The following ZNF536 variants were observed in gnomAD, a reference collection of about 807,000 sequenced individuals.
ZNF536 encodes zinc finger protein 536.
A neutral mutation model predicts 84.5 loss-of-function variants in ZNF536; 13 were observed. The observed-to-expected ratio is 0.15, with a 90% CI of 0.10 to 0.24. ZNF536 has a LOEUF of 0.24. ZNF536 is among the 10% of genes least tolerant of loss of function. The pLI is 1.00. For synonymous variants in ZNF536, 811 were observed against 742.5 expected (o/e 1.09, Z -1.50); for missense variants, 1,536 against 1,747.5 (o/e 0.88, Z 2.16).
intron 2 of ZNF536, among the ~76,000 whole-genome samples, chr19:30,518,206 G>A (rs531064351): frequency 6.6e-6 from 1 of 152,298 alleles, no homozygotes; most frequent in South Asian, 2.1e-4. Flanking sequence ...TGTTGCAGGC[G>A]AAGGGGCAGC....
At chr19:30,531,454 T>G (rs1341976424) in intron 2 of ZNF536, among the ~76,000 whole-genome samples, 1 of 152,076 alleles carries the variant, frequency 6.6e-6, no homozygotes, top group Non-Finnish European at 1.5e-5. Flanking sequence ...GATTTTTTTT[T>G]TTTTGAAGAT....
At chr19:30,513,891 G>A (rs747929488) in intron 2 of ZNF536, among the ~76,000 whole-genome samples, 3 of 152,220 alleles carry the variant, frequency 2.0e-5, no homozygotes, top group African/African-American at 7.2e-5. Flanking sequence ...GGATTTTGAA[G>A]GATTCTGAGA....
intron 1 of ZNF536, among the ~76,000 whole-genome samples, chr19:30,283,240 GT>G (rs1317198862): frequency 6.6e-6 from 1 of 152,122 alleles, no homozygotes; most frequent in African/African-American, 2.4e-5. Flanking sequence ...CATCCCTTCC[GT>G]GACATGGCAA....
chr19:30,267,233 ACTGT>A (rs766670843), intron 1 of ZNF536, among the ~76,000 whole-genome samples: 4 of 152,216 alleles, frequency 2.6e-5, no homozygotes, highest in Admixed American at 6.5e-5. Flanking sequence ...ATTTTCCATT[ACTGT>A]CTATTTCTGT....
At chr19:30,228,455 G>A (rs966839675), upstream of ZNF536, 1 of 152,232 alleles carries the variant, frequency 6.6e-6, no homozygotes, top group African/African-American at 2.4e-5. The surrounding 1 kb of genome is among the most constrained non-coding windows in gnomAD (Gnocchi z 4.5). Flanking sequence ...CCGGCGGCGG[G>A]ACCTGGCGTA....
chr19:30,373,295 T>C (rs985289153), intron 1 of ZNF536, among the ~76,000 whole-genome samples: 2 of 152,020 alleles, frequency 1.3e-5, no homozygotes, highest in Admixed American at 6.5e-5. Flanking sequence ...CTTCTGAGAG[T>C]TCTCAGTTGG....
intron 3 of ZNF536, among the ~76,000 whole-genome samples, chr19:30,536,804 C>T (rs2045100703): frequency 6.6e-6 from 1 of 152,114 alleles, no homozygotes; most frequent in South Asian, 2.1e-4. Context: ...ATCCTCTTCC[C>T]CGGGAGTTCA....
chr19:30,278,468 T>C (rs1282247269), intron 1 of ZNF536, among the ~76,000 whole-genome samples: 2 of 151,804 alleles, frequency 1.3e-5, no homozygotes, highest in African/African-American at 4.9e-5. Flanking sequence ...GTTTTATATA[T>C]GAAAGGAGCT....
At position 30,535,125 on chromosome 19, in the gene ZNF536, TCTAGC is replaced by T; in HGVS notation, c.2323+128_2323+132del. The T allele has an allele frequency of 7.2e-6, 8 of 1,118,292 alleles. No individual in the cohort carries two copies. In the South Asian group the frequency reaches 1.5e-4, roughly 21 times the overall value. 69.3% of individuals were successfully genotyped at this position (1,118,292 alleles called of 1,614,324 possible). A position where few individuals can be genotyped will look rare whatever the true frequency, so the allele number is the denominator to read the frequency against. On this transcript the variant is annotated intron_variant, in intron 3 of 4. Transcript: ENST00000355537. ...CTCTGGAAGGTTCTCCCTGGGCCTG[TCTAGC>T]CACCATTGTATGGCTCAGAAGCGGC...
At chr19:30,703,076 C>T (rs1307159810) in intron 1 of ZNF536, among the ~76,000 whole-genome samples, 6 of 152,086 alleles carry the variant, frequency 3.9e-5, no homozygotes, top group Non-Finnish European at 8.8e-5. Flanking sequence ...GGAGGCCTTC[C>T]CCAGGCAGAG....
intron 2 of ZNF536, among the ~76,000 whole-genome samples, chr19:30,501,516 C>T (rs1203185016): frequency 6.6e-6 from 1 of 152,178 alleles, no homozygotes; most frequent in African/African-American, 2.4e-5. Flanking sequence ...TTATGCTGGT[C>T]TCCCAGCATA....
intron 2 of ZNF536, among the ~76,000 whole-genome samples, chr19:30,326,791 CTT>C (rs869076590): frequency 1.2e-4 from 6 of 51,952 alleles, no homozygotes; most frequent in Admixed American, 3.7e-4. Context: ...TTATAAAAAG[CTT>C]TTTTTTTTTT....
At chr19:30,685,505 T>C (rs7251318) in intron 1 of ZNF536, among the ~76,000 whole-genome samples, 12,700 of 151,914 alleles carry the variant, frequency 0.084, 986 homozygotes, top group African/African-American at 0.2. Flanking sequence ...ACAGGGCCCA[T>C]GGAACCCAGG....
intron 2 of ZNF536, among the ~76,000 whole-genome samples, chr19:30,293,767 GT>G (rs1330079469): frequency 6.6e-6 from 1 of 152,224 alleles, no homozygotes; most frequent in Non-Finnish European, 1.5e-5. Context: ...TGACTTTGGA[GT>G]TTGCATTTCA....
rs1568540485 is a variant in ZNF536, at chr19:30,548,290, C to A, written c.2671C>A (p.Pro891Thr). 3 of 1,614,142 alleles carry A rather than the reference C, an allele frequency of 1.9e-6. No homozygotes were observed. In the African/African-American group the frequency reaches 4.0e-5, roughly 22 times the overall value. ...AGATGCTCTGAAAGGCACTGACCTT[C>A]CTTCCAAAAGCACCCACTTCTCTGA... ...PSDALKGTDL[P>T]SKSTHFSEIG... Residue 891 changes from proline to threonine, a missense_variant, in exon 4 of 5, where the codon CCT becomes ACT. Physicochemically the swap from Pro to Thr is conservative, Grantham distance 38. Transcript: ENST00000355537.
intron 2 of ZNF536, among the ~76,000 whole-genome samples, chr19:30,320,700 G>A (rs1280653754): frequency 6.6e-6 from 1 of 152,088 alleles, no homozygotes; most frequent in Non-Finnish European, 1.5e-5. Flanking sequence ...GCCCAGGGAA[G>A]GGTAAAACGC....
intron 1 of ZNF536, among the ~76,000 whole-genome samples, chr19:30,433,229 C>T (rs73546115): frequency 0.061 from 9,278 of 152,242 alleles, 651 homozygotes; most frequent in East Asian, 0.23. Context: ...TGCCTTCCTT[C>T]CCTTCTCTCT....
At chr19:30,383,780 CTTTCTTTCT>C (rs2049161063) in intron 1 of ZNF536, among the ~76,000 whole-genome samples, 1 of 90,134 alleles carries the variant, frequency 1.1e-5, no homozygotes, top group Non-Finnish European at 2.4e-5. Context: ...TCTTTTCTTT[CTTTCTTTCT>C]TTTCTTTCTT....
At chr19:30,379,288 T>G (rs1006463735) in intron 1 of ZNF536, among the ~76,000 whole-genome samples, 4 of 151,914 alleles carry the variant, frequency 2.6e-5, no homozygotes, top group Admixed American at 6.6e-5. Flanking sequence ...TGTTGGGAGC[T>G]CCCGGTGAGG....
Sources: gnomAD v4.1 joint callset for allele counts (sites outside exome capture counted in the v4.1 genomes callset) on GRCh38, gnomAD v4.1.1 for gene constraint, Gnocchi (gnomAD v3.1) non-coding constraint, MANE v1.5 for transcripts, NCBI Gene and HGNC (gene_info 2026-07-23, HGNC 2026-07-21) for gene names.